Variants in PKIA observed in about 807,000 individuals in gnomAD.
The protein encoded by PKIA is PKI-alpha.
PKIA carries 4 observed loss-of-function variants against 7.6 expected under a neutral mutation model. The ratio of observed to expected loss-of-function variants is 0.52; its 90% confidence interval spans 0.26 to 1.20. The LOEUF is 1.20. Among genes scored for constraint, PKIA ranks in the 50% most tolerant of loss-of-function variants. The pLI is 0.13. For synonymous variants in PKIA, 21 were observed against 30.7 expected, an observed-to-expected ratio of 0.68 and a Z score of 1.04; for missense variants, 73 against 86.2, an observed-to-expected ratio of 0.85 and a Z score of 0.61.
chr8:78,581,502 A>G (rs1807805732), intron 2 of PKIA, among the ~76,000 whole-genome samples: 1 of 152,100 alleles, frequency 6.6e-6, no homozygotes, highest in Non-Finnish European at 1.5e-5. Context: ...TAGTATCCCA[A>G]TAAGGGTACA....
At chr8:78,579,694 AG>A (rs1807761729) in intron 2 of PKIA, among the ~76,000 whole-genome samples, 1 of 152,074 alleles carries the variant, frequency 6.6e-6, no homozygotes, top group Non-Finnish European at 1.5e-5. Flanking sequence ...GATAGAGCAA[AG>A]GTGTGTATTT....
chr8:78,520,617 CAT>C (rs1205179906), intron 1 of PKIA, among the ~76,000 whole-genome samples: 14 of 152,144 alleles, frequency 9.2e-5, no homozygotes, highest in African/African-American at 3.1e-4. Context: ...ATTGTAAAAA[CAT>C]AAAGTCAGAG....
chr8:78,575,381 A>T (rs1392277336), intron 2 of PKIA, among the ~76,000 whole-genome samples: 2 of 151,790 alleles, frequency 1.3e-5, no homozygotes, highest in Non-Finnish European at 2.9e-5. Context: ...AATTGGCATC[A>T]TACTTTCTGT....
intron 1 of PKIA, among the ~76,000 whole-genome samples, chr8:78,525,162 C>T (rs1400029743): frequency 6.6e-6 from 1 of 151,652 alleles, no homozygotes; most frequent in Non-Finnish European, 1.5e-5. Context: ...CATGCACCAT[C>T]TGTTTACCCA....
intron 1 of PKIA, among the ~76,000 whole-genome samples, chr8:78,538,198 T>C (rs957020500): frequency 1.2e-4 from 18 of 152,146 alleles, no homozygotes; most frequent in East Asian, 3.9e-4. Context: ...AAGGGAGGCA[T>C]TGAAAGCAGG....
chr8:78,526,518 C>T (rs941842593), intron 1 of PKIA, among the ~76,000 whole-genome samples: 4 of 151,936 alleles, frequency 2.6e-5, no homozygotes, highest in African/African-American at 9.7e-5. Flanking sequence ...CTTTGAAGAT[C>T]CTATTTGGCT....
At chr8:78,527,569 T>G (rs542105390) in intron 1 of PKIA, among the ~76,000 whole-genome samples, 9 of 152,152 alleles carry the variant, frequency 5.9e-5, no homozygotes, top group African/African-American at 2.2e-4. Context: ...TTCAAAGTTA[T>G]GAGAATATGT....
intron 1 of PKIA, among the ~76,000 whole-genome samples, chr8:78,546,817 G>A (rs1185176037): frequency 6.6e-6 from 1 of 152,200 alleles, no homozygotes. Context: ...CAGAGGTCAT[G>A]TTATAAATCA....
At chr8:78,570,436 G>C (rs995311586) in intron 1 of PKIA, among the ~76,000 whole-genome samples, 4 of 152,078 alleles carry the variant, frequency 2.6e-5, no homozygotes, top group African/African-American at 4.8e-5. Context: ...TTCATATCCA[G>C]TTTCTTCTTT....
intron 1 of PKIA, among the ~76,000 whole-genome samples, chr8:78,557,343 G>A (rs999058226): frequency 2.6e-5 from 4 of 152,042 alleles, no homozygotes; most frequent in African/African-American, 9.7e-5. Flanking sequence ...TTGTGCCCAT[G>A]GATAAGACAT....
intron 1 of PKIA, among the ~76,000 whole-genome samples, chr8:78,568,847 C>T (rs2118546110): frequency 6.6e-6 from 1 of 152,248 alleles, no homozygotes; most frequent in East Asian, 1.9e-4. Context: ...AGACATGATC[C>T]ATGACTTTTG....
intron 1 of PKIA, among the ~76,000 whole-genome samples, chr8:78,548,821 G>A (rs1158675720): frequency 6.6e-6 from 1 of 151,894 alleles, no homozygotes; most frequent in Non-Finnish European, 1.5e-5. Flanking sequence ...GTTCCCACCA[G>A]TGACTCTACA....
At chr8:78,588,330 A>G (rs1162293192) in intron 2 of PKIA, among the ~76,000 whole-genome samples, 5 of 152,090 alleles carry the variant, frequency 3.3e-5, no homozygotes. Context: ...AAAATACAAA[A>G]TTAGCTAGGC....
At chr8:78,561,779 T>C (rs1356487256) in intron 1 of PKIA, among the ~76,000 whole-genome samples, 2 of 152,186 alleles carry the variant, frequency 1.3e-5, no homozygotes, top group Non-Finnish European at 2.9e-5. Flanking sequence ...AAGAGGATAA[T>C]AAATACACCT....
Position 78,600,306 on chromosome 8 carries a change from G to A in PKIA, c.152-1436G>A, listed in dbSNP as rs373372834. ...TTGTGAGGAATTTTTTTTGTAATTC[G>A]TAAATGTTTCAGCTTCATTTTAGTT... On this transcript the variant is annotated intron_variant, in intron 3 of 3. Coordinates refer to ENST00000396418, the MANE Select transcript of PKIA (RefSeq NM_006823.4). Among the ~76,000 whole-genome samples the A allele has an allele frequency of 2.8e-4, 42 of 149,474 alleles. 1 individual carries two copies. The East Asian group carries it at 2.9e-3, about 10-fold the overall frequency.
chr8:78,571,238 C>A (rs1020955492), intron 1 of PKIA, among the ~76,000 whole-genome samples: 1 of 151,352 alleles, frequency 6.6e-6, no homozygotes, highest in Non-Finnish European at 1.5e-5. Context: ...TAATAGAGGA[C>A]ATTGTTATCA....
chr8:78,517,577 T>C (rs569098935), intron 1 of PKIA, among the ~76,000 whole-genome samples: 1 of 152,276 alleles, frequency 6.6e-6, no homozygotes, highest in South Asian at 2.1e-4. Context: ...CCAGTGAGGT[T>C]TTCCTCGTAG....
chr8:78,592,187 A>T (rs1808115374), intron 2 of PKIA, among the ~76,000 whole-genome samples: 1 of 152,156 alleles, frequency 6.6e-6, no homozygotes, highest in Non-Finnish European at 1.5e-5. Flanking sequence ...GGAATTCACT[A>T]AAAGCACTAT....
intron 1 of PKIA, among the ~76,000 whole-genome samples, chr8:78,559,128 G>GCCA (rs763567458): frequency 6.6e-6 from 1 of 152,142 alleles, no homozygotes; most frequent in Non-Finnish European, 1.5e-5. Context: ...CACCATGTTG[G>GCCA]CCAGGGTGGT....
Sources: allele counts gnomAD v4.1 joint callset (sites outside exome capture counted in the v4.1 genomes callset), GRCh38; gene constraint gnomAD v4.1.1; transcripts MANE v1.5; gene names NCBI Gene and HGNC (gene_info 2026-07-23, HGNC 2026-07-21).